Variants in SPMIP2 observed in about 807,000 individuals in gnomAD.
The protein encoded by SPMIP2 is protein SPMIP2.
the SPMIP2 span, among the ~76,000 whole-genome samples, chr4:158,942,345 G>A: frequency 6.6e-6 from 1 of 152,300 alleles, no homozygotes; most frequent in African/African-American, 2.4e-5. Context: ...ATCCCTGTTC[G>A]AAGTTAGGCT....
chr4:158,991,804 A>G, the SPMIP2 span, among the ~76,000 whole-genome samples: 1 of 152,332 alleles, frequency 6.6e-6, no homozygotes, highest in East Asian at 1.9e-4. Context: ...ACAGTGAAAT[A>G]TGGAAGAACT....
the SPMIP2 span, among the ~76,000 whole-genome samples, chr4:159,077,293 C>T: frequency 5.3e-5 from 8 of 152,034 alleles, no homozygotes; most frequent in South Asian, 6.2e-4. Flanking sequence ...ATTACAGGTG[C>T]CTGCCACCAC....
the SPMIP2 span, among the ~76,000 whole-genome samples, chr4:159,030,201 C>T: frequency 1.3e-5 from 2 of 151,988 alleles, no homozygotes; most frequent in African/African-American, 4.8e-5. Flanking sequence ...TCTCTTGAGC[C>T]CAGGAGTTCA....
the SPMIP2 span, among the ~76,000 whole-genome samples, chr4:158,933,390 G>A: frequency 6.6e-6 from 1 of 152,138 alleles, no homozygotes; most frequent in Non-Finnish European, 1.5e-5. Flanking sequence ...CATTCCTGAA[G>A]TGCTTTCCAA....
At chr4:158,971,168 T>G in the SPMIP2 span, among the ~76,000 whole-genome samples, 2 of 152,144 alleles carry the variant, frequency 1.3e-5, no homozygotes, top group Non-Finnish European at 2.9e-5. Context: ...GGAGAGAGGC[T>G]ATACACACTC....
chr4:159,004,561 G>C, the SPMIP2 span, among the ~76,000 whole-genome samples: 3 of 152,074 alleles, frequency 2.0e-5, no homozygotes, highest in Non-Finnish European at 4.4e-5. Context: ...AAAGTGCTGG[G>C]ATTACAGACA....
the SPMIP2 span, among the ~76,000 whole-genome samples, chr4:159,030,169 T>C: frequency 6.6e-6 from 1 of 152,120 alleles, no homozygotes; most frequent in African/African-American, 2.4e-5. Context: ...TCCCAGCACT[T>C]TGGGAGGCCG....
the SPMIP2 span, among the ~76,000 whole-genome samples, chr4:159,037,784 ATACAC>A: frequency 2.0e-5 from 1 of 50,568 alleles, no homozygotes; most frequent in African/African-American, 1.1e-4. Flanking sequence ...AAAACAATAT[ATACAC>A]ACACACACAC....
the SPMIP2 span, among the ~76,000 whole-genome samples, chr4:159,071,458 A>T: frequency 6.4e-3 from 969 of 152,300 alleles, 3 homozygotes; most frequent in African/African-American, 0.022. Context: ...CAAGAATAAT[A>T]AAAATTCAAA....
the SPMIP2 span, among the ~76,000 whole-genome samples, chr4:158,932,013 A>C: frequency 1.3e-5 from 2 of 152,022 alleles, no homozygotes; most frequent in Non-Finnish European, 2.9e-5. Flanking sequence ...GTCTGAGCCG[A>C]GCATGGTGGC....
chr4:158,931,335 T>C, the SPMIP2 span, among the ~76,000 whole-genome samples: 5 of 152,124 alleles, frequency 3.3e-5, no homozygotes, highest in Non-Finnish European at 5.9e-5. Context: ...CTGCAACCTC[T>C]GCCTCCTGGG....
chr4:158,987,950 T>C, the SPMIP2 span, among the ~76,000 whole-genome samples: 1 of 151,874 alleles, frequency 6.6e-6, no homozygotes, highest in African/African-American at 2.4e-5. Flanking sequence ...AATCAATGAA[T>C]CCAGGAGCTG....
At chr4:159,023,861 G>T in the SPMIP2 span, among the ~76,000 whole-genome samples, 1 of 152,144 alleles carries the variant, frequency 6.6e-6, no homozygotes, top group Non-Finnish European at 1.5e-5. Flanking sequence ...GCCAGAGAAG[G>T]TCACCTGACT....
At chr4:158,933,487 T>TC in the SPMIP2 span, among the ~76,000 whole-genome samples, 97 of 152,262 alleles carry the variant, frequency 6.4e-4, no homozygotes, top group Admixed American at 9.8e-4. Flanking sequence ...CATTTGCCCC[T>TC]CCTCCATATG....
the SPMIP2 span, among the ~76,000 whole-genome samples, chr4:159,015,773 C>T: frequency 6.6e-6 from 1 of 151,904 alleles, no homozygotes; most frequent in East Asian, 1.9e-4. Context: ...AGATTAAAAA[C>T]CTAGAATTTT....
chr4:159,030,179 G>A, the SPMIP2 span, among the ~76,000 whole-genome samples: 3 of 152,136 alleles, frequency 2.0e-5, no homozygotes, highest in East Asian at 1.9e-4. Context: ...TTGGGAGGCC[G>A]AAGTGGGCAG....
chr4:158,899,542 T>C, the SPMIP2 span, among the ~76,000 whole-genome samples: 1 of 152,378 alleles, frequency 6.6e-6, no homozygotes, highest in Admixed American at 6.5e-5. Context: ...GTTATCAGTC[T>C]ATTCAGGGAT....
the SPMIP2 span, among the ~76,000 whole-genome samples, chr4:158,981,082 G>A: frequency 2.0e-5 from 3 of 152,246 alleles, no homozygotes; most frequent in Admixed American, 6.5e-5. Flanking sequence ...TAGCCGAATC[G>A]ATAAAGCAGA....
the SPMIP2 span, among the ~76,000 whole-genome samples, chr4:159,003,434 C>T: frequency 6.6e-6 from 1 of 152,136 alleles, no homozygotes; most frequent in Non-Finnish European, 1.5e-5. Context: ...CATGTCTAGT[C>T]CTATACCGGA....
Sources: allele counts gnomAD v4.1 joint callset (sites outside exome capture counted in the v4.1 genomes callset), GRCh38; gene constraint gnomAD v4.1.1; transcripts MANE v1.5; gene names NCBI Gene and HGNC (gene_info 2026-07-23, HGNC 2026-07-21).